Variants in FLVCR1 observed in about 807,000 individuals in gnomAD.
FLVCR1 encodes FLVCR choline and heme transporter 1, also known as choline/ethanolamine transporter FLVCR1.
Under a neutral mutation model 53.6 loss-of-function variants are expected in FLVCR1, and 34 were observed. The ratio of observed to expected loss-of-function variants is 0.63; its 90% CI spans 0.48 to 0.84. The LOEUF (loss-of-function observed/expected upper bound fraction) is 0.84. Among genes scored for constraint, FLVCR1 ranks in the 40% least tolerant of loss-of-function variants. The probability of loss-of-function intolerance (pLI) is 0.00; values close to 1 mark genes in which losing one functional copy is unlikely to be tolerated. For missense variants in FLVCR1, 677 were observed against 696.7 expected (o/e 0.97, Z 0.32); for synonymous variants, 300 against 286.3 (o/e 1.05, Z -0.48).
intron 1 of FLVCR1, among the ~76,000 whole-genome samples, chr1:212,859,814 C>G (rs1277930811): frequency 6.6e-6 from 1 of 151,990 alleles, no homozygotes; most frequent in East Asian, 1.9e-4. Context: ...AATGCAGTAA[C>G]GAACAAGACT....
intron 8 of FLVCR1, among the ~76,000 whole-genome samples, chr1:212,890,094 T>C (rs1665153663): frequency 6.6e-6 from 1 of 152,214 alleles, no homozygotes; most frequent in African/African-American, 2.4e-5. Flanking sequence ...TTCTTAGGTA[T>C]AGTCATCATA....
chr1:212,878,516 A>T (rs1413502705), intron 3 of FLVCR1, among the ~76,000 whole-genome samples: 1 of 136,434 alleles, frequency 7.3e-6, no homozygotes, highest in Admixed American at 7.8e-5. Flanking sequence ...CCTGGGCGAC[A>T]GAGTGAGTCT....
At chr1:212,892,017 A>G (rs1665206461) in intron 8 of FLVCR1, among the ~76,000 whole-genome samples, 1 of 152,238 alleles carries the variant, frequency 6.6e-6, no homozygotes, top group Non-Finnish European at 1.5e-5. Context: ...TAACTGTCCA[A>G]TTCTGTGAAC....
At chr1:212,862,608 G>A (rs1664279600) in intron 1 of FLVCR1, among the ~76,000 whole-genome samples, 1 of 152,088 alleles carries the variant, frequency 6.6e-6, no homozygotes, top group Admixed American at 6.5e-5. Flanking sequence ...TTCACCTTTT[G>A]GTTATTGTGG....
rs1015263239 is a variant in FLVCR1, at chr1:212,899,246, A to G, written c.*3956A>G. 6.6e-6 allele frequency: 1 copy of G among 152,282 alleles called. No individual in the cohort carries two copies. Among genetic ancestry groups the G allele is most frequent in the African/African-American group, 2.4e-5 (1 of 41,482 alleles). The allele number at this position is 152,282 out of a possible 1,614,324, so 9.4% of individuals were successfully genotyped here. On this transcript the variant is annotated 3_prime_UTR_variant, in exon 10 of 10. Transcript: ENST00000366971. The stretch of plus-strand genomic sequence containing the variant: ...AAATGTGTCTGTATGCAATAGCTAG[A>G]AAAATGCCTGTGTCTTAAGTCATTA...
At chr1:212,889,476 A>T (rs41300995) in intron 8 of FLVCR1, among the ~76,000 whole-genome samples, 1 of 152,306 alleles carries the variant, frequency 6.6e-6, no homozygotes, top group East Asian at 1.9e-4. Context: ...TTATAATAAG[A>T]GTAGTAAAGG....
At chr1:212,861,051 A>G (rs191300370) in intron 1 of FLVCR1, among the ~76,000 whole-genome samples, 4 of 152,160 alleles carry the variant, frequency 2.6e-5, no homozygotes, top group Non-Finnish European at 5.9e-5. Flanking sequence ...TTCCGGGCAC[A>G]TCCTTACCCC....
chr1:212,863,029 AT>A (rs1340406202), intron 1 of FLVCR1, among the ~76,000 whole-genome samples: 1 of 152,210 alleles, frequency 6.6e-6, no homozygotes, highest in African/African-American at 2.4e-5. Flanking sequence ...TTGAGCTGTA[AT>A]AGTTCTTTAT....
chr1:212,878,062 A>G (rs1664810666), intron 3 of FLVCR1, among the ~76,000 whole-genome samples: 1 of 152,168 alleles, frequency 6.6e-6, no homozygotes, highest in Admixed American at 6.6e-5. Context: ...GTTTGACTAC[A>G]TATTGTCTAT....
At position 212,897,770 on chromosome 1, in the gene FLVCR1, T is replaced by G. The variant is rs886045941; in HGVS notation, c.*2480T>G. ...ACCAGATTTTGTGAAAACTCACTCA[T>G]TACTGCAAGGACAGCACCAAGCCAT... On this transcript the variant is annotated 3_prime_UTR_variant, in exon 10 of 10. Transcript: ENST00000366971. 11 of 152,138 alleles carry G rather than the reference T, an allele frequency of 7.2e-5. No homozygotes were observed. Among genetic ancestry groups the G allele is most frequent in the Non-Finnish European group, 1.5e-4 (10 of 68,042 alleles). The allele number at this position is 152,138 out of a possible 1,614,324, so 9.4% of individuals were successfully genotyped here. A position where few individuals can be genotyped will look rare whatever the true frequency, so the allele number is the denominator to read the frequency against.
rs781142202 is a variant in FLVCR1, at chr1:212,859,127, C to G, written c.675C>G (p.Ala225=). The part of the protein sequence containing the change: ...VFILGLPSRI[A]SVWFGPKEVS... ...TCCTGGGCTTGCCCTCCCGCATCGC[C>G]TCAGTGTGGTTTGGGCCCAAAGAGG... Residue 225 remains alanine, a synonymous_variant, in exon 1 of 10, where the codon GCC becomes GCG. Transcript: ENST00000366971. The G allele has an allele frequency of 1.2e-5, 19 of 1,613,880 alleles. No individual in the cohort carries two copies. Among genetic ancestry groups the G allele is most frequent in the East Asian group, 6.7e-5 (3 of 44,884 alleles).
intron 2 of FLVCR1, chr1:212,870,084 A>G (rs1018049840): frequency 6.6e-6 from 1 of 152,226 alleles, no homozygotes; most frequent in Non-Finnish European, 1.5e-5. Context: ...AAGACAACAG[A>G]CATCCTAACA....
rs554508338 is a variant in FLVCR1, at chr1:212,860,727, T to C, written c.738+1537T>C. ...TGTAAGTTTCATGAAAATAGGAATG[T>C]GGTCTGAATGTACACAGCTGTATCA... On this transcript the variant is annotated intron_variant, in intron 1 of 9. Transcript: ENST00000366971. 3.3e-4 allele frequency among the ~76,000 whole-genome samples: 51 copies of C among 152,316 alleles called. No individual in the cohort carries two copies. The South Asian group carries it at 9.1e-3, about 27-fold the overall frequency.
At chr1:212,860,887 T>C (rs764038787) in intron 1 of FLVCR1, among the ~76,000 whole-genome samples, 15 of 152,218 alleles carry the variant, frequency 9.9e-5, no homozygotes, top group Non-Finnish European at 1.8e-4. Context: ...TTCTCCTTGC[T>C]CATTTCCCTT....
intron 1 of FLVCR1, among the ~76,000 whole-genome samples, chr1:212,859,436 G>T (rs1444912772): frequency 5.3e-5 from 8 of 152,106 alleles, no homozygotes; most frequent in Non-Finnish European, 1.0e-4. Flanking sequence ...TAATTAACTG[G>T]GCCGGGCGCG....
intron 8 of FLVCR1, among the ~76,000 whole-genome samples, chr1:212,893,540 T>G (rs1256162267): frequency 1.3e-5 from 2 of 152,136 alleles, no homozygotes; most frequent in African/African-American, 4.8e-5. Flanking sequence ...TAAAATGTTA[T>G]CAAACAAGTA....
intron 8 of FLVCR1, among the ~76,000 whole-genome samples, chr1:212,894,134 A>T (rs1235986263): frequency 6.6e-6 from 1 of 150,878 alleles, no homozygotes; most frequent in Non-Finnish European, 1.5e-5. Flanking sequence ...ACATAATGCT[A>T]TTGCAAACTT....
At chr1:212,893,517 G>C (rs913178980) in intron 8 of FLVCR1, among the ~76,000 whole-genome samples, 1 of 152,150 alleles carries the variant, frequency 6.6e-6, no homozygotes. Context: ...CTGTTTTGAG[G>C]AAGTTTTGTG....
chr1:212,881,057 C>A (rs1248332587), intron 3 of FLVCR1, among the ~76,000 whole-genome samples: 1 of 152,114 alleles, frequency 6.6e-6, no homozygotes, highest in Non-Finnish European at 1.5e-5. Context: ...TTGCAAACTG[C>A]TCTAATAACT....
Sources: allele counts gnomAD v4.1 joint callset (sites outside exome capture counted in the v4.1 genomes callset), GRCh38; gene constraint gnomAD v4.1.1; transcripts MANE v1.5; gene names NCBI Gene and HGNC (gene_info 2026-07-23, HGNC 2026-07-21).